The following C2orf76 variants were observed in gnomAD, a reference collection of about 807,000 sequenced individuals.
The protein encoded by C2orf76 is chromosome 2 open reading frame 76, also known as UPF0538 protein C2orf76.
Under a neutral mutation model 16.9 loss-of-function variants are expected in C2orf76, and 23 were observed. The ratio of observed to expected loss-of-function variants is 1.36; its 90% CI spans 0.98 to 1.93. The LOEUF is 1.93. C2orf76 is among the 30% of genes most tolerant of loss of function. The pLI is 0.00. For synonymous variants in C2orf76, 48 were observed against 52.3 expected (o/e 0.92, Z 0.35); for missense variants, 152 against 152.6 (o/e 1.00, Z 0.02).
At chr2:119,360,038 C>T (rs1277061830) in intron 1 of C2orf76, among the ~76,000 whole-genome samples, 3 of 152,194 alleles carry the variant, frequency 2.0e-5, no homozygotes, top group Non-Finnish European at 4.4e-5. Context: ...CAAATTGCTA[C>T]AGCCACCCCA....
In C2orf76 at chr2:119,311,511, G is replaced by C. The variant is rs982520864; in HGVS notation, c.304+111C>G. 1.2e-5 allele frequency: 17 copies of C among 1,468,666 alleles called. No individual in the cohort carries two copies. In the East Asian group the frequency reaches 3.4e-4, roughly 30 times the overall value. The allele number at this position is 1,468,666 out of a possible 1,614,324, so 91.0% of individuals were successfully genotyped here. A position where few individuals can be genotyped will look rare whatever the true frequency, so the allele number is the denominator to read the frequency against. On this transcript the variant is annotated intron_variant, in intron 5 of 5. Coordinates refer to ENST00000334816, the MANE Select transcript of C2orf76 (RefSeq NM_001322331.2). ...TGAACAGTTACCGGGCAGTGTCAGG[G>C]GGACCAAGGACAGCATTTACTTTCC...
chr2:119,285,458 T>C, the C2orf76 span, among the ~76,000 whole-genome samples: 1 of 152,220 alleles, frequency 6.6e-6, no homozygotes, highest in Non-Finnish European at 1.5e-5. Flanking sequence ...GTGGGGCTTT[T>C]TCCCAAGAGG....
At chr2:119,318,289 T>C (rs1679238179) in intron 3 of C2orf76, among the ~76,000 whole-genome samples, 1 of 152,206 alleles carries the variant, frequency 6.6e-6, no homozygotes, top group Admixed American at 6.5e-5. Flanking sequence ...AAACATTTAA[T>C]GAATGCATTA....
At chr2:119,363,862 C>CA (rs960422201) in intron 1 of C2orf76, among the ~76,000 whole-genome samples, 4 of 151,944 alleles carry the variant, frequency 2.6e-5, no homozygotes, top group Admixed American at 6.6e-5. Context: ...CCCATCTCTA[C>CA]AAAAAATTAG....
chr2:119,290,720 C>T, the C2orf76 span, among the ~76,000 whole-genome samples: 1 of 152,048 alleles, frequency 6.6e-6, no homozygotes, highest in South Asian at 2.1e-4. Flanking sequence ...ATCCCAGCTA[C>T]TCAGGAGGCT....
intron 2 of C2orf76, among the ~76,000 whole-genome samples, chr2:119,324,275 A>G (rs1679439608): frequency 6.6e-6 from 1 of 152,110 alleles, no homozygotes; most frequent in African/African-American, 2.4e-5. Context: ...CACAGCGAGC[A>G]CCTATTCTCT....
chr2:119,322,266 G>C (rs751132161), intron 2 of C2orf76, among the ~76,000 whole-genome samples: 1 of 152,074 alleles, frequency 6.6e-6, no homozygotes, highest in South Asian at 2.1e-4. Context: ...GAGTGTAGTG[G>C]AACAAACATG....
At chr2:119,335,669 G>A (rs770153581) in intron 2 of C2orf76, among the ~76,000 whole-genome samples, 3 of 152,066 alleles carry the variant, frequency 2.0e-5, no homozygotes, top group African/African-American at 4.8e-5. Context: ...GAAAAGGGAA[G>A]GAAAAAAGAG....
At chr2:119,359,669 C>T (rs764903494) in intron 1 of C2orf76, among the ~76,000 whole-genome samples, 1 of 152,178 alleles carries the variant, frequency 6.6e-6, no homozygotes, top group Non-Finnish European at 1.5e-5. Flanking sequence ...ACAACTAGAA[C>T]TAGAAGTGAA....
chr2:119,318,302 A>T (rs1679238619), intron 3 of C2orf76, among the ~76,000 whole-genome samples: 2 of 152,218 alleles, frequency 1.3e-5, no homozygotes, highest in African/African-American at 2.4e-5. Context: ...ATGCATTATG[A>T]TTACAGTGTA....
At chr2:119,286,035 G>A in the C2orf76 span, among the ~76,000 whole-genome samples, 1 of 152,026 alleles carries the variant, frequency 6.6e-6, no homozygotes, top group Admixed American at 6.6e-5. Context: ...AGACCATCCT[G>A]GCCAACATGG....
the C2orf76 span, among the ~76,000 whole-genome samples, chr2:119,287,549 A>T: frequency 6.6e-6 from 1 of 151,912 alleles, no homozygotes; most frequent in East Asian, 1.9e-4. Context: ...TCACATATAC[A>T]TTTTTAAGAT....
At chr2:119,290,627 C>T in the C2orf76 span, among the ~76,000 whole-genome samples, 96,158 of 151,748 alleles carry the variant, frequency 0.63, 30,903 homozygotes, top group African/African-American at 0.67. Context: ...GTAAGGAGTT[C>T]GAGACCAACC....
In C2orf76 at chr2:119,302,515, T is replaced by C; in HGVS notation, c.338A>G (p.Glu113Gly). 1.3e-6 allele frequency: 2 copies of C among 1,513,316 alleles called. No homozygotes were observed. The highest frequency in any genetic ancestry group is 1.8e-6 in the Non-Finnish European group (2 of 1,116,910). 93.7% of individuals were successfully genotyped at this position (1,513,316 alleles called of 1,614,324 possible). The change falls in exon 6 of 6, where the codon GAA becomes GGA. Residue 113 changes from glutamate to glycine, a missense_variant. Physicochemically the swap from Glu to Gly is moderately conservative, Grantham distance 98. Transcript: ENST00000334816. ...SETEIAFFCE[E>G]DYKNYKANPI... ...ATTAGCTTTGTAGTTCTTATAATCT[T>C]CTTCACAGAAGAATGCAATTTCAGT...
intron 3 of C2orf76, among the ~76,000 whole-genome samples, chr2:119,318,585 A>G (rs1156797842): frequency 1.3e-5 from 2 of 150,672 alleles, no homozygotes; most frequent in Non-Finnish European, 2.9e-5. Flanking sequence ...GCTGCAGTAC[A>G]GCAGCATGAT....
At chr2:119,337,852 G>A (rs544933727) in intron 2 of C2orf76, among the ~76,000 whole-genome samples, 2 of 152,248 alleles carry the variant, frequency 1.3e-5, no homozygotes, top group South Asian at 2.1e-4. Context: ...AGGTATCTGT[G>A]GTACCTGGAA....
the C2orf76 span, among the ~76,000 whole-genome samples, chr2:119,281,980 T>C: frequency 6.6e-6 from 1 of 151,892 alleles, no homozygotes; most frequent in African/African-American, 2.4e-5. Flanking sequence ...GGAAAGGCCA[T>C]TAAGATATAA....
chr2:119,295,748 C>T, the C2orf76 span, among the ~76,000 whole-genome samples: 1 of 152,340 alleles, frequency 6.6e-6, no homozygotes, highest in South Asian at 2.1e-4. Flanking sequence ...GAAAGAGTCA[C>T]ATGACTTCAT....
chr2:119,363,311 C>G (rs955048295), intron 1 of C2orf76, among the ~76,000 whole-genome samples: 1 of 151,968 alleles, frequency 6.6e-6, no homozygotes, highest in East Asian at 1.9e-4. Flanking sequence ...ATAGTCCCAG[C>G]TACTCGGGAG....
Sources: allele counts gnomAD v4.1 joint callset (sites outside exome capture counted in the v4.1 genomes callset), GRCh38; gene constraint gnomAD v4.1.1; transcripts MANE v1.5; gene names NCBI Gene and HGNC (gene_info 2026-07-23, HGNC 2026-07-21).